SLC35F4: variants seen among roughly 807,000 people sequenced by gnomAD.
SLC35F4 encodes solute carrier family 35 member F4, also known as chromosome 14 open reading frame 36.
In SLC35F4, 24 loss-of-function variants were observed where a neutral mutation model predicts 44.2. The observed-to-expected ratio is 0.54, with a 90% CI of 0.39 to 0.76. The LOEUF (loss-of-function observed/expected upper bound fraction) is 0.76. SLC35F4 is among the 30% of genes least tolerant of loss of function. The pLI, the probability that SLC35F4 is intolerant of heterozygous loss-of-function variation, is 0.00. For synonymous variants in SLC35F4, 238 were observed against 223.6 expected, an observed-to-expected ratio of 1.06 and a Z score of -0.57; for missense variants, 562 against 586.1, an observed-to-expected ratio of 0.96 and a Z score of 0.42.
chr14:57,865,659 G>T, intron 1 of SLC35F4, 64 bp downstream of exon 1: 1 of 1,378,200 alleles, frequency 7.3e-7, no homozygotes, highest in South Asian at 1.3e-5. Flanking sequence ...CCGCATCCCC[G>T]CGGCACCCCT....
chr14:57,912,311 C>T (rs2141052138), intron 1 of SLC35F4, among the ~76,000 whole-genome samples: 1 of 151,920 alleles, frequency 6.6e-6, no homozygotes, highest in Non-Finnish European at 1.5e-5. Context: ...ATTTAATTTG[C>T]ACACTTTTTC....
intron 1 of SLC35F4, among the ~76,000 whole-genome samples, chr14:57,872,843 A>G (rs1282935818): frequency 6.6e-6 from 1 of 152,154 alleles, no homozygotes; most frequent in African/African-American, 2.4e-5. Flanking sequence ...TCATATGTAT[A>G]CACCAGTACA....
chr14:57,976,746 C>G (rs140428965), downstream of SLC35F4: 1 of 152,192 alleles, frequency 6.6e-6, no homozygotes, highest in Admixed American at 6.5e-5. Context: ...GGTATATAGC[C>G]ACTGTCTAGC....
Position 57,564,169 on chromosome 14 carries a change from C to T in SLC35F4, c.1424G>A (p.Arg475Lys), listed in dbSNP as rs771922885. Residue 475 changes from arginine (R) to lysine (K), a missense_variant, in exon 8 of 8, where the codon AGA becomes AAA. Transcript: ENST00000556826. Reference protein sequence around the residue: ...DPSIHLRGRGRANGTVSIPLA With the variant: ...DPSIHLRGRGKANGTVSIPLA ...TGGTATAGACACTGTCCCATTGGCT[C>T]TGCCTCTGCCCCGCAGGTGTATGCT... 1 of 1,613,756 alleles carries T rather than the reference C, an allele frequency of 6.2e-7. No homozygotes were observed. Among genetic ancestry groups the T allele is most frequent in the South Asian group, 1.1e-5 (1 of 91,048 alleles).
chr14:57,595,590 T>C (rs913054555), intron 1 of SLC35F4: 3 of 152,218 alleles, frequency 2.0e-5, no homozygotes, highest in African/African-American at 7.2e-5. Context: ...TTTCCTCCTT[T>C]ATTCACAATT....
intron 1 of SLC35F4, among the ~76,000 whole-genome samples, chr14:57,734,348 G>A (rs956536038): frequency 3.3e-5 from 5 of 152,218 alleles, no homozygotes; most frequent in Admixed American, 3.3e-4. Flanking sequence ...ATACTTAATA[G>A]ATATCTCTTT....
At chr14:57,668,413 T>C (rs969319343) in intron 1 of SLC35F4, among the ~76,000 whole-genome samples, 20 of 152,070 alleles carry the variant, frequency 1.3e-4, no homozygotes, top group African/African-American at 4.4e-4. Flanking sequence ...CCCATGCCTA[T>C]GTCCTGAATG....
At chr14:57,843,825 C>T (rs768464027) in intron 1 of SLC35F4, among the ~76,000 whole-genome samples, 11 of 152,132 alleles carry the variant, frequency 7.2e-5, no homozygotes, top group Non-Finnish European at 1.5e-4. Flanking sequence ...AATATCTCTG[C>T]AGGACATTAT....
intron 1 of SLC35F4, among the ~76,000 whole-genome samples, chr14:57,926,561 G>A (rs945844693): frequency 3.3e-5 from 5 of 152,134 alleles, no homozygotes; most frequent in African/African-American, 1.2e-4. Context: ...CAAGTTGGGG[G>A]GGAATTTATA....
At chr14:57,601,355 C>T (rs2070814717) in intron 1 of SLC35F4, among the ~76,000 whole-genome samples, 1 of 151,976 alleles carries the variant, frequency 6.6e-6, no homozygotes, top group African/African-American at 2.4e-5. Flanking sequence ...TCAGAGGACA[C>T]ATGTGCATAT....
intron 1 of SLC35F4, among the ~76,000 whole-genome samples, chr14:57,954,948 TAAAAA>T (rs35919238): frequency 9.3e-6 from 1 of 107,102 alleles, no homozygotes; most frequent in Non-Finnish European, 2.0e-5. Context: ...TCATCCTGAT[TAAAAA>T]AAAAAAAAAA....
At chr14:57,770,795 C>T (rs1437129940) in intron 1 of SLC35F4, among the ~76,000 whole-genome samples, 1 of 152,182 alleles carries the variant, frequency 6.6e-6, no homozygotes, top group Non-Finnish European at 1.5e-5. Context: ...TTGGAACTTT[C>T]AGGACAATTT....
rs2077289696 is a variant in SLC35F4, at chr14:57,768,709, C to G, written c.103+97014G>C. ...GGAAAAGAAAACTTAAATATCCCAGCCATGGGGATACTATTAAAAGAGTCA... is the reference window on the plus strand; with the variant it reads ...GGAAAAGAAAACTTAAATATCCCAGGCATGGGGATACTATTAAAAGAGTCA... On this transcript the variant is annotated intron_variant, in intron 1 of 7. Transcript: ENST00000556826. 2.0e-5 allele frequency among the ~76,000 whole-genome samples: 3 copies of G among 151,686 alleles called. No homozygotes were observed. In the South Asian group the frequency reaches 6.2e-4, roughly 31 times the overall value.
chr14:57,863,689 G>A (rs1887871604), intron 1 of SLC35F4, among the ~76,000 whole-genome samples: 1 of 152,074 alleles, frequency 6.6e-6, no homozygotes, highest in Non-Finnish European at 1.5e-5. Flanking sequence ...CGGTTCCCTG[G>A]CCCTCCTCCA....
chr14:57,922,582 C>A (rs150222369), intron 1 of SLC35F4, among the ~76,000 whole-genome samples: 79 of 152,308 alleles, frequency 5.2e-4, no homozygotes, highest in African/African-American at 1.8e-3. Flanking sequence ...ATAACTTTTG[C>A]ACAGATTCAG....
At chr14:57,849,331 T>C (rs945192166) in intron 1 of SLC35F4, among the ~76,000 whole-genome samples, 11 of 152,044 alleles carry the variant, frequency 7.2e-5, no homozygotes, top group Admixed American at 5.2e-4. Context: ...CCAGCTAGTT[T>C]TTGTATTTTT....
intron 1 of SLC35F4, among the ~76,000 whole-genome samples, chr14:57,639,190 T>C (rs982394007): frequency 1.3e-5 from 2 of 152,032 alleles, no homozygotes; most frequent in Non-Finnish European, 2.9e-5. Context: ...TTAGATTAAG[T>C]CAATTACACA....
intron 1 of SLC35F4, among the ~76,000 whole-genome samples, chr14:57,599,225 G>C (rs2139965067): frequency 6.6e-6 from 1 of 152,334 alleles, no homozygotes; most frequent in African/African-American, 2.4e-5. Flanking sequence ...AGGAGGAAGA[G>C]ATGGCAAACT....
chr14:57,691,782 T>G (rs2075238788), intron 1 of SLC35F4, among the ~76,000 whole-genome samples: 1 of 152,150 alleles, frequency 6.6e-6, no homozygotes, highest in Admixed American at 6.6e-5. Context: ...TACACTCTAA[T>G]AGGAGAGACG....
Sources: allele counts gnomAD v4.1 joint callset (sites outside exome capture counted in the v4.1 genomes callset), GRCh38; gene constraint gnomAD v4.1.1; transcripts MANE v1.5; gene names NCBI Gene and HGNC (gene_info 2026-07-23, HGNC 2026-07-21).